IL12RB2: variants seen among roughly 807,000 people sequenced by gnomAD.
IL12RB2 encodes the protein interleukin-12 receptor subunit beta-2.
In IL12RB2, 82 loss-of-function variants were observed where a neutral mutation model predicts 89.4. The observed-to-expected ratio is 0.92, with a 90% CI of 0.77 to 1.10. IL12RB2 has a LOEUF of 1.10. Ranked by LOEUF, IL12RB2 falls within the 50% of genes least tolerant of loss-of-function variation. The pLI is 0.00. For synonymous variants in IL12RB2, 368 were observed against 370.1 expected (o/e 0.99, Z 0.07); for missense variants, 963 against 1,031.9 (o/e 0.93, Z 0.92).
chr1:67,380,713 G>A (rs1664481628), intron 14 of IL12RB2, among the ~76,000 whole-genome samples: 1 of 152,130 alleles, frequency 6.6e-6, no homozygotes, highest in Non-Finnish European at 1.5e-5. Flanking sequence ...CAGCAGGGTT[G>A]GTTCTTTCGG....
rs145319016 is a variant in IL12RB2 at position 67,319,086 on chromosome 1, G to A, written c.-36-1247G>A. Among the ~76,000 whole-genome samples the A allele has an allele frequency of 3.0e-4, 45 of 152,332 alleles. No homozygotes were observed. In the East Asian group the frequency reaches 8.7e-3, roughly 29 times the overall value. ...AGGAGTGCTTTGTCTCTAGCACTTA[G>A]TGTGCCTAGCACATGAAAGGCAGCC... is the stretch of plus-strand genomic sequence containing the variant. On this transcript the variant is annotated intron_variant, in intron 2 of 16. Coordinates refer to ENST00000674203, the MANE Select transcript of IL12RB2 (RefSeq NM_001374259.2).
chr1:67,337,859 T>C (rs1457441639), intron 8 of IL12RB2, among the ~76,000 whole-genome samples: 2 of 149,488 alleles, frequency 1.3e-5, no homozygotes, highest in African/African-American at 5.0e-5. Context: ...TTTTTCTATA[T>C]GAGTTGTATC....
At position 67,395,859 on chromosome 1, in the gene IL12RB2, A is replaced by G. The variant is rs762426294; in HGVS notation, c.2359A>G (p.Thr787Ala). 7.5e-6 allele frequency: 12 copies of G among 1,610,228 alleles called. No individual in the cohort carries two copies. Among genetic ancestry groups the G allele is most frequent in the Non-Finnish European group, 1.0e-5 (12 of 1,177,082 alleles). ...PKPENPACPW[T>A]VLPAGDLPTH... ...GCCCGAAAACCCAGCCTGTCCCTGG[A>G]CGGTGCTCCCAGCAGGTGACCTTCC... The change falls in exon 17 of 17, where the codon ACG becomes GCG. Residue 787 changes from threonine to alanine, a missense_variant. Thr to Ala is a moderately conservative substitution (Grantham distance 58). Transcript: ENST00000674203.
chr1:67,322,889 C>G (rs987582732), intron 4 of IL12RB2, among the ~76,000 whole-genome samples: 17 of 152,200 alleles, frequency 1.1e-4, no homozygotes, highest in African/African-American at 3.9e-4. Flanking sequence ...TGGCCCATAG[C>G]CTTGCAGGTC....
chr1:67,368,391 G>A (rs1197877862), intron 11 of IL12RB2, among the ~76,000 whole-genome samples: 4 of 152,062 alleles, frequency 2.6e-5, no homozygotes, highest in Non-Finnish European at 5.9e-5. Flanking sequence ...TTAACCCTGT[G>A]GGGAGTTCAT....
At chr1:67,338,745 T>C (rs1465393140) in intron 9 of IL12RB2, 42 bp downstream of exon 9, 1 of 945,446 alleles carries the variant, frequency 1.1e-6, no homozygotes, top group Admixed American at 1.7e-5. Flanking sequence ...GGAATAAAAC[T>C]GAAGGCAGAA....
intron 10 of IL12RB2, among the ~76,000 whole-genome samples, chr1:67,356,462 T>A (rs1459982527): frequency 6.6e-6 from 1 of 152,190 alleles, no homozygotes; most frequent in African/African-American, 2.4e-5. Flanking sequence ...GTGAGCTGGC[T>A]GACCCTTCAG....
In IL12RB2 at chr1:67,395,571, A is replaced by G. The variant is rs748575002; in HGVS notation, c.2071A>G (p.Arg691Gly). ...GGAGAAGACACAGCTGCCCTTGGAC[A>G]GGCTCCTGATAGACTGGCCCACGCC... is the stretch of plus-strand genomic sequence containing the variant. ...AEEKTQLPLD[R>G]LLIDWPTPED... Residue 691 changes from arginine (R) to glycine (G), a missense_variant, in exon 17 of 17, where the codon AGG becomes GGG. Coordinates refer to ENST00000674203, the MANE Select transcript of IL12RB2 (RefSeq NM_001374259.2). The G allele has an allele frequency of 8.1e-6, 13 of 1,614,220 alleles. No individual in the cohort carries two copies. The Admixed American group carries it at 2.2e-4, about 27-fold the overall frequency.
chr1:67,319,440 C>T (rs930047842), intron 2 of IL12RB2, among the ~76,000 whole-genome samples: 2 of 152,166 alleles, frequency 1.3e-5, no homozygotes, highest in Non-Finnish European at 2.9e-5. Context: ...AGCTTCTCTA[C>T]AAAACCCAAA....
At chr1:67,372,991 A>G (rs750000736) in intron 13 of IL12RB2, among the ~76,000 whole-genome samples, 1 of 152,260 alleles carries the variant, frequency 6.6e-6, no homozygotes, top group Non-Finnish European at 1.5e-5. Flanking sequence ...AATATGTGTT[A>G]TGTGCCAAGC....
chr1:67,327,728 G>A (rs1051470447), intron 5 of IL12RB2, among the ~76,000 whole-genome samples: 5 of 152,172 alleles, frequency 3.3e-5, no homozygotes, highest in South Asian at 2.1e-4. Context: ...GAAAGGAGGG[G>A]TTCTGTAGTA....
At chr1:67,332,275 G>A (rs1658195433) in intron 8 of IL12RB2, among the ~76,000 whole-genome samples, 1 of 151,110 alleles carries the variant, frequency 6.6e-6, no homozygotes, top group Non-Finnish European at 1.5e-5. Flanking sequence ...GAGTGCAGTG[G>A]CACAATCTCA....
chr1:67,312,221 T>C (rs1655160583), intron 1 of IL12RB2, among the ~76,000 whole-genome samples: 1 of 152,120 alleles, frequency 6.6e-6, no homozygotes, highest in Non-Finnish European at 1.5e-5. Context: ...TCCTTCCCAA[T>C]AGAAGACAGC....
At chr1:67,355,089 C>A (rs907600101) in intron 10 of IL12RB2, among the ~76,000 whole-genome samples, 39 of 151,978 alleles carry the variant, frequency 2.6e-4, no homozygotes, top group Non-Finnish European at 4.7e-4. Context: ...GTACTTCACC[C>A]TGGGCAACAG....
intron 4 of IL12RB2, among the ~76,000 whole-genome samples, chr1:67,322,987 G>A (rs1656780023): frequency 1.3e-5 from 2 of 152,200 alleles, no homozygotes; most frequent in South Asian, 4.1e-4. Context: ...CTTTGGCGTG[G>A]CAGACAAGAG....
At chr1:67,340,059 C>T (rs770483936) in intron 9 of IL12RB2, among the ~76,000 whole-genome samples, 10 of 152,226 alleles carry the variant, frequency 6.6e-5, no homozygotes, top group Non-Finnish European at 5.9e-5. Flanking sequence ...TTATAAAGTC[C>T]TCTGATGGGG....
At position 67,395,797 on chromosome 1, in the gene IL12RB2, T is replaced by C. The variant is rs1461010063; in HGVS notation, c.2297T>C (p.Leu766Pro). ...GCTGAGAGCAGACAACTGGTGGATC[T>C]GTACAAGGTGCTGGAGAGCAGGGGC... is the stretch of plus-strand genomic sequence containing the variant. ...LQAESRQLVD[L>P]YKVLESRGSD... The change falls in exon 17 of 17, where the codon CTG becomes CCG. Residue 766 changes from leucine (L) to proline (P), a missense_variant. Transcript: ENST00000674203. The C allele has an allele frequency of 4.3e-6, 7 of 1,613,964 alleles. No individual in the cohort carries two copies. In the African/African-American group the frequency reaches 9.3e-5, roughly 22 times the overall value.
chr1:67,356,091 A>G (rs1000312151), intron 10 of IL12RB2, among the ~76,000 whole-genome samples: 1 of 152,240 alleles, frequency 6.6e-6, no homozygotes, highest in Non-Finnish European at 1.5e-5. Context: ...AGCCCACAGT[A>G]TAACTGGGAC....
chr1:67,333,173 T>TA, intron 8 of IL12RB2, among the ~76,000 whole-genome samples: 1 of 152,178 alleles, frequency 6.6e-6, no homozygotes, highest in East Asian at 1.9e-4. Flanking sequence ...CCCTTTTCTA[T>TA]GTTTGATTTT....
Sources: allele counts gnomAD v4.1 joint callset (sites outside exome capture counted in the v4.1 genomes callset), GRCh38; gene constraint gnomAD v4.1.1; transcripts MANE v1.5; gene names NCBI Gene and HGNC (gene_info 2026-07-23, HGNC 2026-07-21).